The following GTF2A1L variants were observed in gnomAD, a reference collection of about 807,000 sequenced individuals.
The protein encoded by GTF2A1L is TFIIA-alpha and beta-like factor.
Under a neutral mutation model 49.7 loss-of-function variants are expected in GTF2A1L, and 48 were observed. The observed-to-expected ratio is 0.97, with a 90% CI of 0.77 to 1.23. The LOEUF is 1.23. GTF2A1L is among the 50% of genes most tolerant of loss of function. GTF2A1L has a pLI of 0.00. For synonymous variants in GTF2A1L, 246 were observed against 193.5 expected (o/e 1.27, Z -2.25); for missense variants, 736 against 564.8 (o/e 1.30, Z -3.07).
rs761186600 is a variant in GTF2A1L, at chr2:48,646,828, A to C, written c.764A>C (p.Gln255Pro). 6.2e-7 allele frequency: 1 copy of C among 1,614,204 alleles called. No individual in the cohort carries two copies. Among genetic ancestry groups the C allele is most frequent in the Non-Finnish European group, 8.5e-7 (1 of 1,180,014 alleles). ...PGVVFSPQVS[Q>P]TNSNVESVLS... ...GTTGTATTTTCTCCACAGGTCTCTC[A>C]AACAAATTCTAATGTGGAGTCAGTG... is the stretch of plus-strand genomic sequence containing the variant. The change falls in exon 6 of 9, where the codon CAA (glutamine) becomes CCA (proline). Residue 255 changes from glutamine (Q) to proline (P), a missense_variant. By Grantham distance (76) the Gln-to-Pro change is moderately conservative. Coordinates refer to ENST00000403751, the MANE Select transcript of GTF2A1L (RefSeq NM_006872.5).
chr2:48,621,590 A>G (rs181043363), intron 3 of GTF2A1L, among the ~76,000 whole-genome samples: 1 of 152,336 alleles, frequency 6.6e-6, no homozygotes, highest in Admixed American at 6.5e-5. Context: ...AATTTCAGAT[A>G]ATTTGACTGG....
intron 3 of GTF2A1L, among the ~76,000 whole-genome samples, chr2:48,624,625 C>G (rs1200938778): frequency 7.0e-6 from 1 of 143,668 alleles, no homozygotes; most frequent in Non-Finnish European, 1.6e-5. Flanking sequence ...TAAGTATAGC[C>G]CTCATGTTAT....
chr2:48,669,903 A>C lies in GTF2A1L; in HGVS notation c.1160A>C (p.Glu387Ala), dbSNP rs1195330186. 1.9e-6 allele frequency: 3 copies of C among 1,614,000 alleles called. No homozygotes were observed. The highest frequency in any genetic ancestry group is 2.2e-5 in the East Asian group (1 of 44,866). The change falls in exon 7 of 9, where the codon GAA becomes GCA. Residue 387 changes from glutamate to alanine, a missense_variant. Glu to Ala is a moderately radical substitution (Grantham distance 107). Transcript: ENST00000403751. ...GGAGATCTGAAGGTACCTGAAGAAG[A>C]AGCTGACAGTATTTCAAATGAGGAT... Reference protein sequence around the residue: ...DGGDLKVPEEEADSISNEDSA... With the variant: ...DGGDLKVPEEAADSISNEDSA...
chr2:48,644,337 T>A (rs1475835256), intron 4 of GTF2A1L, among the ~76,000 whole-genome samples: 1 of 152,240 alleles, frequency 6.6e-6, no homozygotes, highest in Non-Finnish European at 1.5e-5. Flanking sequence ...TTACTGTTTC[T>A]GTAATTTCTG....
chr2:48,647,273 G>A (rs1677574049), intron 6 of GTF2A1L, among the ~76,000 whole-genome samples: 2 of 152,074 alleles, frequency 1.3e-5, no homozygotes, highest in South Asian at 4.1e-4. Context: ...GATCAGTAGT[G>A]TTATATACAT....
intron 6 of GTF2A1L, 179 bp downstream of exon 6, chr2:48,647,221 C>T (rs867135739): frequency 2.4e-5 from 13 of 550,738 alleles, no homozygotes; most frequent in Admixed American, 7.6e-5. Context: ...ATAAAATACA[C>T]GTAACATAAA....
chr2:48,645,596 C>G (rs1184209679), intron 5 of GTF2A1L, among the ~76,000 whole-genome samples: 1 of 152,126 alleles, frequency 6.6e-6, no homozygotes, highest in African/African-American at 2.4e-5. Context: ...AGGATCATAC[C>G]TCTTCTTTGG....
chr2:48,657,365 C>T (rs145379783), intron 6 of GTF2A1L, among the ~76,000 whole-genome samples: 2 of 152,296 alleles, frequency 1.3e-5, no homozygotes, highest in Admixed American at 6.5e-5. Flanking sequence ...TTATGGTTTT[C>T]TGTTCCTGTG....
intron 6 of GTF2A1L, among the ~76,000 whole-genome samples, chr2:48,651,781 C>T (rs1204449296): frequency 6.6e-6 from 1 of 152,104 alleles, no homozygotes; most frequent in Non-Finnish European, 1.5e-5. Flanking sequence ...AAGGACAATG[C>T]TTGAAGCCCT....
intron 6 of GTF2A1L, among the ~76,000 whole-genome samples, chr2:48,658,728 G>C (rs563918032): frequency 6.6e-6 from 1 of 152,174 alleles, no homozygotes; most frequent in Admixed American, 6.5e-5. Flanking sequence ...TTGGGAGATT[G>C]CTTTCAGGAA....
chr2:48,632,192 A>C (rs1421647559), intron 3 of GTF2A1L: 1 of 152,186 alleles, frequency 6.6e-6, no homozygotes, highest in Non-Finnish European at 1.5e-5. Context: ...TTTATATTCC[A>C]GTCCCAGAAG....
At chr2:48,654,211 T>C (rs1678038929) in intron 6 of GTF2A1L, among the ~76,000 whole-genome samples, 1 of 152,182 alleles carries the variant, frequency 6.6e-6, no homozygotes, top group African/African-American at 2.4e-5. Context: ...CAGTTTATTA[T>C]TTTTATCTTC....
intron 5 of GTF2A1L, 88 bp downstream of exon 5, chr2:48,645,205 T>C: frequency 8.7e-7 from 1 of 1,149,156 alleles, no homozygotes; most frequent in African/African-American, 1.6e-5. Flanking sequence ...ATAAACTATA[T>C]ACCAGAAGTT....
chr2:48,633,179 C>T (rs1434259957), intron 3 of GTF2A1L: 1 of 222,280 alleles, frequency 4.5e-6, no homozygotes, highest in East Asian at 1.2e-4. Context: ...TTTCGGTACC[C>T]TCACCCTCAG....
At chr2:48,621,629 G>A (rs1676003721) in intron 3 of GTF2A1L, among the ~76,000 whole-genome samples, 1 of 152,166 alleles carries the variant, frequency 6.6e-6, no homozygotes, top group Non-Finnish European at 1.5e-5. Flanking sequence ...AGTGGCAGAG[G>A]GAAAGGTGAG....
At chr2:48,662,105 C>T (rs193174843) in intron 6 of GTF2A1L, among the ~76,000 whole-genome samples, 38 of 152,206 alleles carry the variant, frequency 2.5e-4, no homozygotes, top group African/African-American at 8.9e-4. Flanking sequence ...CTTATAATAA[C>T]CTGTTTTAAT....
At chr2:48,676,546 T>A (rs921332514) in intron 8 of GTF2A1L, among the ~76,000 whole-genome samples, 1 of 151,882 alleles carries the variant, frequency 6.6e-6, no homozygotes, top group African/African-American at 2.4e-5. Context: ...CTTTGTCTAT[T>A]TAAAAAATTG....
At chr2:48,671,204 G>A (rs1220705314) in intron 7 of GTF2A1L, among the ~76,000 whole-genome samples, 1 of 150,726 alleles carries the variant, frequency 6.6e-6, no homozygotes, top group Admixed American at 6.6e-5. Flanking sequence ...TCTTTGTTTT[G>A]TTTTGGTTTG....
At chr2:48,652,727 C>G (rs544630585) in intron 6 of GTF2A1L, among the ~76,000 whole-genome samples, 179 of 151,050 alleles carry the variant, frequency 1.2e-3, no homozygotes, top group African/African-American at 4.2e-3. Context: ...TGGAGTCTCG[C>G]TCTGTCGCCC....
Sources: gnomAD v4.1 joint callset for allele counts (sites outside exome capture counted in the v4.1 genomes callset) on GRCh38, gnomAD v4.1.1 for gene constraint, MANE v1.5 for transcripts, NCBI Gene and HGNC (gene_info 2026-07-23, HGNC 2026-07-21) for gene names.